ZNF540: variants seen among roughly 807,000 people sequenced by gnomAD.
ZNF540 encodes zinc finger protein 540, also known as CTD-3064H18.6.
Under a neutral mutation model 11.8 loss-of-function variants are expected in ZNF540, and 3 were observed. That is an observed-to-expected ratio of 0.25 (90% CI 0.12 to 0.65). ZNF540 has a LOEUF of 0.65. ZNF540 is among the 30% of genes least tolerant of loss of function. The probability of loss-of-function intolerance (pLI) is 0.83; values close to 1 mark genes in which losing one functional copy is unlikely to be tolerated. For missense variants in ZNF540, 709 were observed against 793.1 expected (o/e 0.89, Z 1.27); for synonymous variants, 247 against 259.0 (o/e 0.95, Z 0.45).
chr19:37,585,527 C>T (rs2043640267), intron 1 of ZNF540: 1 of 152,208 alleles, frequency 6.6e-6, no homozygotes, highest in South Asian at 2.1e-4. Context: ...TGAGACTGCA[C>T]ATTTCACAAG....
rs184830521 is a variant in ZNF540 at position 37,600,815 on chromosome 19, C to T, written c.137-195C>T. 3.9e-5 allele frequency among the ~76,000 whole-genome samples: 6 copies of T among 151,980 alleles called. No individual in the cohort carries two copies. The East Asian group carries it at 1.2e-3, about 29-fold the overall frequency. On this transcript the variant is annotated intron_variant, in intron 3 of 4. Transcript: ENST00000316433. ...AATTCTCCTAGATGAATTTTAATTC[C>T]CCTGCCCATCAAGTTTCTTTATTCT...
At chr19:37,565,755 A>G in intron 1 of ZNF540, 1 of 1,613,820 alleles carries the variant, frequency 6.2e-7, no homozygotes, top group Non-Finnish European at 8.5e-7. Context: ...CATGCGTTAC[A>G]CTGATAAGGT....
intron 4 of ZNF540, 25 bp downstream of exon 4, chr19:37,601,130 A>G (rs2044036627): frequency 6.4e-7 from 1 of 1,550,872 alleles, no homozygotes; most frequent in Non-Finnish European, 8.7e-7. Context: ...CATCAGGCAG[A>G]TGGAAGCCCT....
At chr19:37,566,956 A>G (rs900425067) in intron 1 of ZNF540, among the ~76,000 whole-genome samples, 1 of 151,998 alleles carries the variant, frequency 6.6e-6, no homozygotes, top group South Asian at 2.1e-4. Context: ...CACTTTTCTG[A>G]TATCATCACT....
intron 4 of ZNF540, among the ~76,000 whole-genome samples, chr19:37,604,640 G>C (rs943173872): frequency 6.6e-6 from 1 of 151,920 alleles, no homozygotes; most frequent in Non-Finnish European, 1.5e-5. Context: ...CAGCTTTATT[G>C]AGATATGATT....
At chr19:37,604,598 C>T (rs376493809) in intron 4 of ZNF540, among the ~76,000 whole-genome samples, 27 of 151,950 alleles carry the variant, frequency 1.8e-4, no homozygotes, top group East Asian at 7.7e-4. Flanking sequence ...TGAGCCACCG[C>T]GCCTGGCCAG....
intron 1 of ZNF540, chr19:37,564,204 A>G (rs1309830398): frequency 6.4e-6 from 1 of 155,590 alleles, no homozygotes; most frequent in African/African-American, 2.4e-5. Flanking sequence ...GAGTTCTCTA[A>G]CAGTATGTAA....
In ZNF540 at chr19:37,587,900, T is replaced by A. The variant is rs550707831; in HGVS notation, c.-72-10476T>A. Among the ~76,000 whole-genome samples, 3 of 151,734 alleles carry A rather than the reference T, an allele frequency of 2.0e-5. No individual in the cohort carries two copies. In the East Asian group the frequency reaches 5.8e-4, roughly 29 times the overall value. Reference sequence around the variant, plus strand: ...GCCGAGGCAGGCAGATCACTTGAGGTCAGGAGTTCAAGACCAGCCTGGCCA... The same window carrying A: ...GCCGAGGCAGGCAGATCACTTGAGGACAGGAGTTCAAGACCAGCCTGGCCA... On this transcript the variant is annotated intron_variant, in intron 1 of 4. Transcript: ENST00000592533.
chr19:37,563,580 A>G (rs528780113), intron 1 of ZNF540: 2 of 152,254 alleles, frequency 1.3e-5, no homozygotes, highest in African/African-American at 4.8e-5. Context: ...TATATGGAAT[A>G]TATACATATA....
At chr19:37,583,750 C>T (rs548011998) in intron 1 of ZNF540, 1 of 441,354 alleles carries the variant, frequency 2.3e-6, no homozygotes, top group Non-Finnish European at 4.0e-6. Flanking sequence ...AGATTCAAAT[C>T]TAGTCCATTG....
chr19:37,551,617 G>A (rs1291246987), exon 1 of ZNF540: 2 of 152,312 alleles, frequency 1.3e-5, no homozygotes, highest in African/African-American at 4.8e-5. Context: ...CTGCCTAGAC[G>A]GTGCTGGGAG....
At chr19:37,597,063 G>A (rs557014206) in intron 1 of ZNF540, among the ~76,000 whole-genome samples, 1 of 152,178 alleles carries the variant, frequency 6.6e-6, no homozygotes, top group South Asian at 2.1e-4. Flanking sequence ...AGTGGATTTA[G>A]GTTTCTGTTT....
At chr19:37,603,004 C>CTTTTT (rs569985494) in intron 4 of ZNF540, among the ~76,000 whole-genome samples, 4 of 113,236 alleles carry the variant, frequency 3.5e-5, no homozygotes, top group Non-Finnish European at 5.2e-5. Context: ...TGTAAGGAGT[C>CTTTTT]TTTTTTTTTT....
At chr19:37,591,364 G>A (rs1455260862), upstream of ZNF540, among the ~76,000 whole-genome samples, 2 of 152,034 alleles carry the variant, frequency 1.3e-5, no homozygotes, top group Non-Finnish European at 2.9e-5. Context: ...GACTACCACT[G>A]GCTTAAAAAA....
chr19:37,555,915 C>T, intron 1 of ZNF540: 1 of 700,806 alleles, frequency 1.4e-6, no homozygotes, highest in Non-Finnish European at 2.6e-6. Context: ...GGTTGATCCC[C>T]CAGAGTAGGT....
rs780312769 is a variant in ZNF540, at chr19:37,586,269, A to T, written c.-72-12107A>T. ...TGAGACTAGGAACATCCAACAAAAA[A>T]ATGCTATCACTTTCAAATGGAAAAC... On this transcript the variant is annotated intron_variant, in intron 1 of 4. Coordinates refer to the ZNF540 transcript ENST00000592533. 10 of 164,748 alleles carry T rather than the reference A, an allele frequency of 6.1e-5. No homozygotes were observed. In the South Asian group the frequency reaches 1.0e-3, roughly 17 times the overall value. The allele number at this position is 164,748 out of a possible 1,614,324, so 10.2% of individuals were successfully genotyped here. A position where few individuals can be genotyped will look rare whatever the true frequency, so the allele number is the denominator to read the frequency against.
At chr19:37,568,076 T>C (rs925710751) in intron 1 of ZNF540, among the ~76,000 whole-genome samples, 1 of 152,102 alleles carries the variant, frequency 6.6e-6, no homozygotes, top group African/African-American at 2.4e-5. Flanking sequence ...AAGAAAGAAG[T>C]TGAGAAACAA....
chr19:37,564,749 C>A (rs2042784801), intron 1 of ZNF540: 2 of 1,613,820 alleles, frequency 1.2e-6, no homozygotes, highest in Non-Finnish European at 1.7e-6. Context: ...ACATTCCTTA[C>A]ATTCATAGGG....
intron 1 of ZNF540, among the ~76,000 whole-genome samples, chr19:37,582,674 TC>T (rs1162487548): frequency 2.0e-5 from 3 of 152,202 alleles, no homozygotes; most frequent in Non-Finnish European, 4.4e-5. Context: ...ACTCTTGACT[TC>T]CTTCTCCAGC....
Sources: allele counts gnomAD v4.1 joint callset (sites outside exome capture counted in the v4.1 genomes callset), GRCh38; gene constraint gnomAD v4.1.1; transcripts MANE v1.5; gene names NCBI Gene and HGNC (gene_info 2026-07-23, HGNC 2026-07-21).